The following NRXN3 variants were observed in gnomAD, a reference collection of about 807,000 sequenced individuals.
NRXN3 encodes neurexin III.
In NRXN3, 32 loss-of-function variants were observed where a neutral mutation model predicts 137.6. The observed-to-expected ratio is 0.23, with a 90% CI of 0.18 to 0.31. The LOEUF (loss-of-function observed/expected upper bound fraction) is 0.31. Among genes scored for constraint, NRXN3 ranks in the 10% least tolerant of loss-of-function variants. NRXN3 has a pLI of 1.00. For synonymous variants in NRXN3, 798 were observed against 784.5 expected, an observed-to-expected ratio of 1.02 and a Z score of -0.29; for missense variants, 1,574 against 2,062.5, an observed-to-expected ratio of 0.76 and a Z score of 4.59.
At chr14:79,495,597 C>G (rs1186028079) in intron 16 of NRXN3, among the ~76,000 whole-genome samples, 1 of 152,138 alleles carries the variant, frequency 6.6e-6, no homozygotes, top group Non-Finnish European at 1.5e-5. Flanking sequence ...ATGTCAGGCA[C>G]TGTTCTTCTA....
chr14:79,289,869 T>C (rs922454201), intron 15 of NRXN3, among the ~76,000 whole-genome samples: 5 of 152,168 alleles, frequency 3.3e-5, no homozygotes, highest in African/African-American at 1.2e-4. Flanking sequence ...GACCAGGATC[T>C]TGTTTGAAGA....
At chr14:78,396,384 A>G (rs2091458734) in intron 4 of NRXN3, among the ~76,000 whole-genome samples, 2 of 152,156 alleles carry the variant, frequency 1.3e-5, no homozygotes, top group East Asian at 3.9e-4. Context: ...AGAAGGCTCA[A>G]AGGAGAAGAA....
intron 4 of NRXN3, among the ~76,000 whole-genome samples, chr14:78,426,376 A>G (rs757985356): frequency 3.9e-5 from 6 of 152,192 alleles, no homozygotes; most frequent in Non-Finnish European, 7.3e-5. Context: ...AGGGGATCTC[A>G]CTGCCATTCA....
intron 4 of NRXN3, among the ~76,000 whole-genome samples, chr14:78,470,425 G>A (rs2095238071): frequency 6.6e-6 from 1 of 151,968 alleles, no homozygotes; most frequent in South Asian, 2.1e-4. Context: ...AGGAGAAGTT[G>A]GGGCAATTTC....
chr14:79,376,210 GTATGTATATA>G (rs1363088300), intron 15 of NRXN3, among the ~76,000 whole-genome samples: 35 of 40,792 alleles, frequency 8.6e-4, no homozygotes, highest in African/African-American at 2.7e-3. Flanking sequence ...GTGTGTGTGT[GTATGTATATA>G]TATATATATA....
chr14:79,858,071 C>A (rs551984995), intron 20 of NRXN3, among the ~76,000 whole-genome samples: 1 of 151,678 alleles, frequency 6.6e-6, no homozygotes, highest in African/African-American at 2.4e-5. Context: ...ACTCACCAGG[C>A]TTTTAGAAGC....
At chr14:78,872,273 A>G (rs2099103298) in intron 10 of NRXN3, among the ~76,000 whole-genome samples, 1 of 147,608 alleles carries the variant, frequency 6.8e-6, no homozygotes, top group African/African-American at 2.5e-5. Flanking sequence ...ATATATTTAC[A>G]TATAAATAAA....
Position 79,728,149 on chromosome 14 carries a change from G to A in NRXN3, c.4014+30212G>A, listed in dbSNP as rs142287511. On this transcript the variant is annotated intron_variant, in intron 19 of 20. Coordinates refer to ENST00000335750, the MANE Select transcript of NRXN3 (RefSeq NM_001330195.2). ...AGTAGTCCTGCGGTATGTTAACTGA[G>A]TAGGTGTTTCCCAGAAAATTAAAAG... Among the ~76,000 whole-genome samples, 270 of 152,272 alleles carry A rather than the reference G, an allele frequency of 1.8e-3. 1 individual carries two copies. Among genetic ancestry groups the A allele is most frequent in the African/African-American group, 6.3e-3 (263 of 41,556 alleles).
At chr14:79,214,847 T>G (rs928144141) in intron 15 of NRXN3, among the ~76,000 whole-genome samples, 1 of 152,204 alleles carries the variant, frequency 6.6e-6, no homozygotes, top group African/African-American at 2.4e-5. Context: ...TCTTAGAAGT[T>G]TTCTCATTTC....
chr14:78,434,640 G>A (rs1388914554), intron 4 of NRXN3, among the ~76,000 whole-genome samples: 1 of 152,172 alleles, frequency 6.6e-6, no homozygotes. Flanking sequence ...GGTCATTGGA[G>A]GTCATTCTTA....
At chr14:78,554,144 G>A (rs1040774257) in intron 4 of NRXN3, among the ~76,000 whole-genome samples, 1 of 152,134 alleles carries the variant, frequency 6.6e-6, no homozygotes, top group African/African-American at 2.4e-5. Context: ...TATTGAAACT[G>A]CTAATTTTGT....
chr14:79,458,714 T>C (rs1179810307), intron 15 of NRXN3, among the ~76,000 whole-genome samples: 1 of 152,194 alleles, frequency 6.6e-6, no homozygotes, highest in African/African-American at 2.4e-5. Context: ...TTTTGCTATA[T>C]AAGAAACTAG....
At chr14:78,313,032 G>A (rs754780978) in intron 4 of NRXN3, among the ~76,000 whole-genome samples, 7 of 152,184 alleles carry the variant, frequency 4.6e-5, no homozygotes, top group African/African-American at 7.2e-5. Context: ...ATCAGCTACT[G>A]TAGAAATAAA....
intron 10 of NRXN3, among the ~76,000 whole-genome samples, chr14:78,817,270 T>C (rs1294649565): frequency 6.6e-6 from 1 of 152,142 alleles, no homozygotes; most frequent in East Asian, 1.9e-4. Context: ...AAGTTTCATA[T>C]GAAATTTAGA....
chr14:79,839,186 A>T (rs1200173717), intron 20 of NRXN3, among the ~76,000 whole-genome samples: 1 of 151,658 alleles, frequency 6.6e-6, no homozygotes. Flanking sequence ...GTTGCTATGA[A>T]TCTCCTGTTT....
chr14:78,896,405 G>A (rs1199095244), intron 10 of NRXN3, among the ~76,000 whole-genome samples: 2 of 151,708 alleles, frequency 1.3e-5, no homozygotes, highest in African/African-American at 2.4e-5. Flanking sequence ...AGTTAAACAT[G>A]GTGATTACTA....
chr14:79,840,363 T>C (rs1568419412), intron 20 of NRXN3, among the ~76,000 whole-genome samples: 1 of 152,156 alleles, frequency 6.6e-6, no homozygotes, highest in Non-Finnish European at 1.5e-5. Context: ...TTAGGTAACC[T>C]GGGATTGTGC....
chr14:79,590,795 A>G (rs1368737016), intron 16 of NRXN3, among the ~76,000 whole-genome samples: 2 of 151,378 alleles, frequency 1.3e-5, no homozygotes, highest in Non-Finnish European at 2.9e-5. Context: ...CTCTTTCTCA[A>G]CTCTTTGCTA....
rs745869619 is a variant in NRXN3, at chr14:79,227,739, CTCCTTCCTTCCT to C, written c.3263-239446_3263-239435del. On this transcript the variant is annotated intron_variant, in intron 15 of 20. Coordinates refer to ENST00000335750, the MANE Select transcript of NRXN3 (RefSeq NM_001330195.2). ...TTCTTTTTCTCTCTCTCTCCTTTCT[CTCCTTCCTTCCT>C]TCCTTCCTTCCTTCCTTCCTTCCTT... is the stretch of plus-strand genomic sequence containing the variant. Among the ~76,000 whole-genome samples, 112 of 63,812 alleles carry C rather than the reference CTCCTTCCTTCCT, an allele frequency of 1.8e-3. 1 individual carries two copies. Among genetic ancestry groups the C allele is most frequent in the African/African-American group, 6.5e-3 (111 of 17,186 alleles). The allele number at this position is 63,812 out of a possible 152,430, so 41.9% of individuals were successfully genotyped here. A position where few individuals can be genotyped will look rare whatever the true frequency, so the allele number is the denominator to read the frequency against.
Sources: gnomAD v4.1 joint callset for allele counts (sites outside exome capture counted in the v4.1 genomes callset) on GRCh38, gnomAD v4.1.1 for gene constraint, MANE v1.5 for transcripts, NCBI Gene and HGNC (gene_info 2026-07-23, HGNC 2026-07-21) for gene names.